CFAP57: variants seen among roughly 807,000 people sequenced by gnomAD.
The protein encoded by CFAP57 is cilia and flagella associated protein 57.
A neutral mutation model predicts 146.8 loss-of-function variants in CFAP57; 116 were observed. That is an observed-to-expected ratio of 0.79 (90% CI 0.68 to 0.92). The LOEUF (loss-of-function observed/expected upper bound fraction) is 0.92. Ranked by LOEUF, CFAP57 falls within the 40% of genes least tolerant of loss-of-function variation. The pLI is 0.00. For synonymous variants in CFAP57, 518 were observed against 552.8 expected (o/e 0.94, Z 0.88); for missense variants, 1,377 against 1,527.2 (o/e 0.90, Z 1.64).
rs531902101 is a variant in CFAP57 at position 43,177,548 on chromosome 1, G to A, written c.158-3986G>A. Among the ~76,000 whole-genome samples, 79 of 152,284 alleles carry A rather than the reference G, an allele frequency of 5.2e-4. 1 individual carries two copies. The highest frequency in any genetic ancestry group is 6.8e-3 in the Middle Eastern group (2 of 294). ...GGAATTTGAGGGTCATCAGCCTAGAGGTGAAATGTAAAGCCCTTAGAGTAG... is the reference window on the plus strand; with the variant it reads ...GGAATTTGAGGGTCATCAGCCTAGAAGTGAAATGTAAAGCCCTTAGAGTAG... On this transcript the variant is annotated intron_variant, in intron 2 of 22. Coordinates refer to ENST00000372492, the MANE Select transcript of CFAP57 (RefSeq NM_001378189.1).
At chr1:43,189,715 A>T (rs1244235382) in intron 6 of CFAP57, among the ~76,000 whole-genome samples, 4 of 152,196 alleles carry the variant, frequency 2.6e-5, no homozygotes, top group African/African-American at 7.2e-5. Flanking sequence ...TAATTGGCTC[A>T]TGGTTCTGCA....
intron 5 of CFAP57, among the ~76,000 whole-genome samples, chr1:43,186,004 G>A (rs547019205): frequency 4.6e-5 from 7 of 151,730 alleles, no homozygotes; most frequent in East Asian, 3.9e-4. Flanking sequence ...GCTTGAACCC[G>A]GGCAGCAGAG....
At position 43,236,766 on chromosome 1, in the gene CFAP57, C is replaced by T. The variant is rs546354207; in HGVS notation, c.3405+2128C>T. ...CTACTAAAAATACAAAAAAATTAGC[C>T]GGGCGTGTGGTGGGCACCTGTAGTC... On this transcript the variant is annotated intron_variant, in intron 21 of 22. Transcript: ENST00000372492. Among the ~76,000 whole-genome samples, 182 of 151,830 alleles carry T rather than the reference C, an allele frequency of 1.2e-3. 3 individuals are homozygous for T. The highest frequency in any genetic ancestry group is 3.7e-3 in the African/African-American group (155 of 41,394).
chr1:43,201,708 C>A lies in CFAP57; in HGVS notation c.1542+2205C>A, dbSNP rs1644130806. Among the ~76,000 whole-genome samples, 1 of 152,152 alleles carries A rather than the reference C, an allele frequency of 6.6e-6. No individual in the cohort carries two copies. Among genetic ancestry groups the A allele is most frequent in the Non-Finnish European group, 1.5e-5 (1 of 68,032 alleles). On this transcript the variant is annotated intron_variant, in intron 9 of 22. Transcript: ENST00000372492. This position sits in a 1 kb window ranked among gnomAD's most constrained non-coding sequence, Gnocchi z 4.4. ...TCAGCTCACCGCAACCTCCGCCTCCCAGGTTCAAGCGATTCTCCTGCCTCA... is the reference window on the plus strand; with the variant it reads ...TCAGCTCACCGCAACCTCCGCCTCCAAGGTTCAAGCGATTCTCCTGCCTCA...
intron 19 of CFAP57, among the ~76,000 whole-genome samples, chr1:43,233,241 A>G (rs1048505888): frequency 1.3e-5 from 2 of 152,234 alleles, no homozygotes; most frequent in African/African-American, 4.8e-5. Flanking sequence ...CTGTAATCCC[A>G]GCACTTTGGG....
chr1:43,232,377 C>T, intron 18 of CFAP57, 131 bp from the exon 19 acceptor site: 1 of 704,680 alleles, frequency 1.4e-6, no homozygotes, highest in Non-Finnish European at 2.4e-6. Context: ...ATCCAGAGGA[C>T]ACAGAAGGGG....
intron 22 of CFAP57, 71 bp from the exon 23 acceptor site, chr1:43,253,906 G>A (rs1646380260): frequency 1.5e-6 from 2 of 1,335,992 alleles, no homozygotes; most frequent in East Asian, 2.5e-5. Context: ...GAAGCAGGGA[G>A]GGAGGAGGGG....
rs1268986759 is a variant in CFAP57, at chr1:43,201,112, A to G, written c.1542+1609A>G. Among the ~76,000 whole-genome samples, 1 of 152,188 alleles carries G rather than the reference A, an allele frequency of 6.6e-6. No homozygotes were observed. Among genetic ancestry groups the G allele is most frequent in the African/African-American group, 2.4e-5 (1 of 41,450 alleles). On this transcript the variant is annotated intron_variant, in intron 9 of 22. Transcript: ENST00000372492. This position sits in a 1 kb window ranked among gnomAD's most constrained non-coding sequence, Gnocchi z 4.4. The stretch of plus-strand genomic sequence containing the variant: ...GTGTGTGGAGGTCAGGAGAGAAGTC[A>G]GGGCTGAGTATGAAGATTCGGGGAA...
chr1:43,197,562 G>C lies in CFAP57; in HGVS notation c.1132G>C (p.Ala378Pro). ...TGTGTGATTTCTCTAGGGGGAGCCT[G>C]CTCACTTTGAGTATTTGATGTATCC... is the stretch of plus-strand genomic sequence containing the variant. Reference protein sequence around the residue: ...SLTEISKGEPAHFEYLMYPLH... With the variant: ...SLTEISKGEPPHFEYLMYPLH... Residue 378 changes from alanine to proline, a missense_variant, in exon 7 of 23, where the codon GCT becomes CCT. By Grantham distance (27) the Ala-to-Pro change is conservative (BLOSUM62 -1). Coordinates refer to ENST00000372492, the MANE Select transcript of CFAP57 (RefSeq NM_001378189.1). The C allele has an allele frequency of 2.5e-6, 4 of 1,614,088 alleles. No individual in the cohort carries two copies. The highest frequency in any genetic ancestry group is 3.4e-6 in the Non-Finnish European group (4 of 1,179,994).
At chr1:43,239,008 T>G (rs1184901643) in intron 21 of CFAP57, among the ~76,000 whole-genome samples, 2 of 151,942 alleles carry the variant, frequency 1.3e-5, no homozygotes, top group Non-Finnish European at 2.9e-5. Context: ...TCTTCCTGCC[T>G]TAGGTTCTGC....
rs1427052589 is a variant in CFAP57 at position 43,223,985 on chromosome 1, G to T, written c.2707-61G>T. ...GGGGAGCCCCTTACACTGAGACAGT[G>T]GGAGGGATGGAGATGAGTTCTGACT... is the stretch of plus-strand genomic sequence containing the variant. On this transcript the variant is annotated intron_variant, in intron 16 of 22. Transcript: ENST00000372492. 2.3e-5 allele frequency: 36 copies of T among 1,538,518 alleles called. No homozygotes were observed. The South Asian group carries it at 3.4e-4, about 15-fold the overall frequency.
rs1033075554 is a variant in CFAP57, at chr1:43,177,409, G to A, written c.158-4125G>A. ...ATAGAAAGGGCTAAAGAAGGAGCAG[G>A]TTGGTTTTGGACCTGTTAAGATTGA... On this transcript the variant is annotated intron_variant, in intron 2 of 22. Coordinates refer to ENST00000372492, the MANE Select transcript of CFAP57 (RefSeq NM_001378189.1). 3.9e-5 allele frequency among the ~76,000 whole-genome samples: 6 copies of A among 152,186 alleles called. 1 individual carries two copies. The South Asian group carries it at 1.0e-3, about 26-fold the overall frequency.
chr1:43,192,223 T>G (rs1643579244), intron 6 of CFAP57, among the ~76,000 whole-genome samples: 1 of 152,208 alleles, frequency 6.6e-6, no homozygotes, highest in Non-Finnish European at 1.5e-5. Flanking sequence ...ATTATTGAGT[T>G]GGGTGTTCTA....
chr1:43,218,536 A>T (rs974713676), intron 12 of CFAP57, among the ~76,000 whole-genome samples: 1 of 151,988 alleles, frequency 6.6e-6, no homozygotes. Context: ...TGAGCCCAGG[A>T]GGTCAAGGCT....
chr1:43,206,859 C>T lies in CFAP57; in HGVS notation c.1682C>T (p.Thr561Ile). The change falls in exon 10 of 23, where the codon ACT becomes ATT. Residue 561 changes from threonine to isoleucine, a missense_variant. Thr to Ile is a moderately conservative substitution (Grantham distance 89). Coordinates refer to ENST00000372492, the MANE Select transcript of CFAP57 (RefSeq NM_001378189.1). ...VLKSCSYNCV[T>I]VSPDAKIIFA... ...AAGTCTTGCAGCTACAACTGTGTTA[C>T]TGTCTCCCCCGATGCCAAAATTATC... 1 of 1,614,208 alleles carries T rather than the reference C, an allele frequency of 6.2e-7. No homozygotes were observed.
chr1:43,199,458 C>G lies in CFAP57; in HGVS notation c.1497C>G (p.Thr499=). 1 of 1,614,142 alleles carries G rather than the reference C, an allele frequency of 6.2e-7. No homozygotes were observed. Reference sequence around the variant, plus strand: ...GAAATGTGATTCACGTTTACACCACCACGAGCCTAGAGAACATCTCAAGCC... The same window carrying G: ...GAAATGTGATTCACGTTTACACCACGACGAGCCTAGAGAACATCTCAAGCC... ...VNGNVIHVYT[T]TSLENISSLK... Residue 499 remains threonine (T), a synonymous_variant, in exon 9 of 23, where the codon ACC becomes ACG. Transcript: ENST00000372492.
At chr1:43,199,760 G>T (rs1296943953) in intron 9 of CFAP57, among the ~76,000 whole-genome samples, 1 of 152,216 alleles carries the variant, frequency 6.6e-6, no homozygotes, top group Non-Finnish European at 1.5e-5. Context: ...ATTTGCAAAG[G>T]CTTGGTCCTA....
intron 18 of CFAP57, among the ~76,000 whole-genome samples, 189 bp from the exon 19 acceptor site, chr1:43,232,319 G>A (rs1645504669): frequency 1.3e-5 from 2 of 152,338 alleles, no homozygotes; most frequent in South Asian, 4.1e-4. Context: ...TAGCATATCA[G>A]TCTAGGGGTG....
intron 14 of CFAP57, among the ~76,000 whole-genome samples, chr1:43,221,752 T>G (rs187983756): frequency 3.3e-5 from 5 of 152,316 alleles, no homozygotes; most frequent in African/African-American, 1.2e-4. Context: ...ACTTGCCAGG[T>G]GCTCTGGGGA....
Sources: gnomAD v4.1 joint callset for allele counts (sites outside exome capture counted in the v4.1 genomes callset) on GRCh38, gnomAD v4.1.1 for gene constraint, Gnocchi (gnomAD v3.1) non-coding constraint, MANE v1.5 for transcripts, NCBI Gene and HGNC (gene_info 2026-07-23, HGNC 2026-07-21) for gene names.